The following SMYD4 variants were observed in gnomAD, a reference collection of about 807,000 sequenced individuals.
SMYD4 encodes the protein SET and MYND domain containing 4, also known as protein-lysine N-methyltransferase SMYD4.
SMYD4 carries 68 observed loss-of-function variants against 72.8 expected under a neutral mutation model. The observed-to-expected ratio is 0.93, with a 90% CI of 0.77 to 1.14. SMYD4 has a LOEUF of 1.14. SMYD4 is among the 50% of genes most tolerant of loss of function. The pLI is 0.00. For missense variants in SMYD4, 984 were observed against 1,003.7 expected (o/e 0.98, Z 0.27); for synonymous variants, 407 against 388.6 (o/e 1.05, Z -0.56).
At chr17:1,825,511 CTTT>C (rs58470302) in intron 2 of SMYD4, among the ~76,000 whole-genome samples, 11 of 107,830 alleles carry the variant, frequency 1.0e-4, no homozygotes, top group Admixed American at 1.9e-4. Context: ...CATTTTCTTT[CTTT>C]TTTTTTTTTT....
At chr17:1,793,469 C>T (rs985684508) in intron 5 of SMYD4, among the ~76,000 whole-genome samples, 8 of 151,714 alleles carry the variant, frequency 5.3e-5, no homozygotes, top group African/African-American at 1.9e-4. Context: ...GTCTTTTATC[C>T]TCAAGGAAGC....
chr17:1,794,729 T>A (rs1909298558), intron 5 of SMYD4, among the ~76,000 whole-genome samples: 1 of 71,170 alleles, frequency 1.4e-5, no homozygotes, highest in Non-Finnish European at 3.3e-5. Context: ...ACCTTTCAGT[T>A]CTCTTAAAAA....
rs192082929 is a variant in SMYD4, at chr17:1,813,506, C to T, written c.135-1391G>A. Among the ~76,000 whole-genome samples, 17 of 152,168 alleles carry T rather than the reference C, an allele frequency of 1.1e-4. No homozygotes were observed. In the East Asian group the frequency reaches 2.5e-3, roughly 22 times the overall value. On this transcript the variant is annotated intron_variant, in intron 2 of 10. Transcript: ENST00000305513. The stretch of plus-strand genomic sequence containing the variant: ...CACGATCTCGGCTCACTGCAACCTC[C>T]GCCTCCTGGGTGCAAGTGATTCTTG...
intron 3 of SMYD4, 94 bp from the exon 4 acceptor site, chr17:1,804,809 T>A: frequency 8.0e-7 from 1 of 1,252,406 alleles, no homozygotes; most frequent in Non-Finnish European, 1.1e-6. Context: ...CTGAAGACTG[T>A]GTGAAACTGG....
At chr17:1,811,476 C>A (rs1418310129) in intron 3 of SMYD4, among the ~76,000 whole-genome samples, 1 of 152,212 alleles carries the variant, frequency 6.6e-6, no homozygotes, top group Non-Finnish European at 1.5e-5. Context: ...AACCACTGTG[C>A]TGGGCCTAAA....
At chr17:1,818,797 T>C in intron 2 of SMYD4, among the ~76,000 whole-genome samples, 1 of 151,900 alleles carries the variant, frequency 6.6e-6, no homozygotes, top group East Asian at 1.9e-4. Flanking sequence ...CGTACTATCA[T>C]GCGTGGCTAA....
At chr17:1,810,807 G>A (rs199880049) in intron 3 of SMYD4, among the ~76,000 whole-genome samples, 2 of 152,232 alleles carry the variant, frequency 1.3e-5, no homozygotes, top group Non-Finnish European at 2.9e-5. Context: ...AAGAGCAGCC[G>A]ACAGGCATCG....
intron 3 of SMYD4, among the ~76,000 whole-genome samples, chr17:1,810,721 C>A (rs1026201508): frequency 2.0e-5 from 3 of 152,250 alleles, no homozygotes; most frequent in Non-Finnish European, 2.9e-5. Flanking sequence ...CGCCCCCCAG[C>A]CTGGGCCTAT....
chr17:1,787,853 C>A, intron 5 of SMYD4, among the ~76,000 whole-genome samples: 1 of 151,902 alleles, frequency 6.6e-6, no homozygotes, highest in Non-Finnish European at 1.5e-5. Context: ...CTCTACACCA[C>A]GAAATAGCCA....
At chr17:1,808,981 G>A (rs969510195) in intron 3 of SMYD4, among the ~76,000 whole-genome samples, 1 of 152,144 alleles carries the variant, frequency 6.6e-6, no homozygotes, top group African/African-American at 2.4e-5. Context: ...CAAACTTCAA[G>A]CACGTTCAAG....
In SMYD4 at chr17:1,781,441, T is replaced by G; in HGVS notation, c.2262-2A>C. Reference sequence around the variant, plus strand: ...CTCAGGGCTTCGGGTACTGCAAACCTGAGCCAAGGGAGGTAAGAGGAGTTA... The same window carrying G: ...CTCAGGGCTTCGGGTACTGCAAACCGGAGCCAAGGGAGGTAAGAGGAGTTA... On this transcript the variant is annotated splice_acceptor_variant, in intron 10 of 10. Coordinates refer to ENST00000305513, the MANE Select transcript of SMYD4 (RefSeq NM_052928.3). LOFTEE classifies it high-confidence loss of function. The G allele has an allele frequency of 6.2e-7, 1 of 1,612,748 alleles. No homozygotes were observed. Among genetic ancestry groups the G allele is most frequent in the Non-Finnish European group, 8.5e-7 (1 of 1,179,574 alleles).
At chr17:1,789,581 T>C (rs1908897049) in intron 5 of SMYD4, among the ~76,000 whole-genome samples, 1 of 151,898 alleles carries the variant, frequency 6.6e-6, no homozygotes, top group South Asian at 2.1e-4. Flanking sequence ...TTGGCCAACA[T>C]GGTGAACCCT....
chr17:1,817,378 C>T (rs1910662931), intron 2 of SMYD4, among the ~76,000 whole-genome samples: 1 of 152,086 alleles, frequency 6.6e-6, no homozygotes, highest in Admixed American at 6.6e-5. Flanking sequence ...GCTCTGTCGC[C>T]CAGGCTGGAG....
chr17:1,783,115 G>A lies in SMYD4; in HGVS notation c.2181C>T (p.Tyr727=), dbSNP rs764955875. 38 of 1,614,036 alleles carry A rather than the reference G, an allele frequency of 2.4e-5. No homozygotes were observed. Among genetic ancestry groups the A allele is most frequent in the Non-Finnish European group, 2.8e-5 (33 of 1,180,040 alleles). ...KSATHLQRSL[Y]VVEVRHGPSS... ...ACGGCCCGTGGCGAACCTCCACCAC[G>A]TAGAGACTCCTCTGTAGATGGGTGG... The change falls in exon 10 of 11, where the codon TAC becomes TAT. Residue 727 remains tyrosine (Y), a synonymous_variant. Transcript: ENST00000305513.
intron 5 of SMYD4, among the ~76,000 whole-genome samples, chr17:1,792,065 G>T (rs1176805900): frequency 6.7e-6 from 1 of 150,294 alleles, no homozygotes; most frequent in Non-Finnish European, 1.5e-5. Context: ...TTGAGACGGG[G>T]TCTCGCTCTG....
chr17:1,815,837 T>C (rs540375029), intron 2 of SMYD4, among the ~76,000 whole-genome samples: 9 of 151,968 alleles, frequency 5.9e-5, no homozygotes, highest in Non-Finnish European at 8.8e-5. Flanking sequence ...GTAGCTGGGA[T>C]TACAGGCACC....
At chr17:1,783,774 C>A in intron 8 of SMYD4, 1 of 450,320 alleles carries the variant, frequency 2.2e-6, no homozygotes, top group Non-Finnish European at 4.0e-6. Flanking sequence ...TCTCTTGACC[C>A]TGAAATCTAA....
intron 2 of SMYD4, among the ~76,000 whole-genome samples, chr17:1,819,014 G>A (rs1910766776): frequency 6.6e-6 from 1 of 151,772 alleles, no homozygotes; most frequent in African/African-American, 2.4e-5. Context: ...TTCACATTCT[G>A]GTTTCGCTTC....
intron 3 of SMYD4, among the ~76,000 whole-genome samples, chr17:1,810,286 C>CA (rs1910261591): frequency 1.4e-5 from 2 of 146,860 alleles, no homozygotes; most frequent in Non-Finnish European, 3.0e-5. Flanking sequence ...ACATAAATTA[C>CA]TTTTTTTTTT....
Sources: allele counts gnomAD v4.1 joint callset (sites outside exome capture counted in the v4.1 genomes callset), GRCh38; gene constraint gnomAD v4.1.1; transcripts MANE v1.5; gene names NCBI Gene and HGNC (gene_info 2026-07-23, HGNC 2026-07-21).